PRSS23: variants seen among roughly 807,000 people sequenced by gnomAD.
PRSS23 encodes protease, serine 23.
In PRSS23, 25 loss-of-function variants were observed where a neutral mutation model predicts 34.7. The observed-to-expected ratio is 0.72, with a 90% CI of 0.53 to 1.01. The LOEUF is 1.01. Among genes scored for constraint, PRSS23 ranks in the 50% least tolerant of loss-of-function variants. The pLI, the probability that PRSS23 is intolerant of heterozygous loss-of-function variation, is 0.00. For missense variants in PRSS23, 445 were observed against 475.6 expected, an observed-to-expected ratio of 0.94 and a Z score of 0.60; for synonymous variants, 176 against 186.6, an observed-to-expected ratio of 0.94 and a Z score of 0.46.
chr11:86,929,150 C>G (rs140709916), intron 2 of PRSS23, among the ~76,000 whole-genome samples: 1 of 151,924 alleles, frequency 6.6e-6, no homozygotes, highest in African/African-American at 2.4e-5. Context: ...GGAGAAACCC[C>G]GTCTCTACTA....
chr11:86,812,452 T>A (rs1001215842), downstream of PRSS23, among the ~76,000 whole-genome samples: 1 of 151,814 alleles, frequency 6.6e-6, no homozygotes, highest in Admixed American at 6.6e-5. Flanking sequence ...TAGTCTGGGG[T>A]TCCCCCCGGA....
intron 2 of PRSS23, among the ~76,000 whole-genome samples, chr11:86,828,195 A>G (rs1247338517): frequency 1.3e-5 from 2 of 152,200 alleles, no homozygotes; most frequent in Non-Finnish European, 1.5e-5. Flanking sequence ...GGGTGCATAT[A>G]TATTTAGGAT....
At chr11:86,832,793 A>G (rs1428052211) in intron 2 of PRSS23, 3 of 294,710 alleles carry the variant, frequency 1.0e-5, no homozygotes, top group Non-Finnish European at 2.0e-5. Context: ...GGAGGAAACA[A>G]TTTTATAGTA....
intron 2 of PRSS23, among the ~76,000 whole-genome samples, chr11:86,877,301 G>A (rs1340934148): frequency 6.6e-6 from 1 of 152,164 alleles, no homozygotes; most frequent in African/African-American, 2.4e-5. Flanking sequence ...AAGATTTAGT[G>A]GGGGATTAAA....
intron 2 of PRSS23, among the ~76,000 whole-genome samples, chr11:86,879,814 G>A (rs1948759443): frequency 2.2e-5 from 2 of 91,406 alleles, no homozygotes; most frequent in African/African-American, 4.7e-5. Flanking sequence ...CCGTCCGGGA[G>A]GGAGGTGGGG....
chr11:86,878,108 A>C (rs953650173), intron 2 of PRSS23, among the ~76,000 whole-genome samples: 9 of 151,986 alleles, frequency 5.9e-5, no homozygotes, highest in Non-Finnish European at 1.3e-4. Context: ...ACTATATTTG[A>C]TATTACTGCA....
chr11:86,841,477 CA>C (rs1395402667), intron 2 of PRSS23, among the ~76,000 whole-genome samples: 7 of 151,498 alleles, frequency 4.6e-5, no homozygotes, highest in Non-Finnish European at 1.0e-4. Flanking sequence ...AAAAACACTT[CA>C]AAAAAATCAA....
intron 2 of PRSS23, among the ~76,000 whole-genome samples, chr11:86,897,117 C>G (rs1226617032): frequency 6.6e-6 from 1 of 152,182 alleles, no homozygotes; most frequent in African/African-American, 2.4e-5. Context: ...TGTAGAGAGA[C>G]CTGAATTGAG....
At chr11:86,951,118 A>T in intron 2 of PRSS23, 1 of 1,612,748 alleles carries the variant, frequency 6.2e-7, no homozygotes, top group South Asian at 1.1e-5. Context: ...TTCAAAATGA[A>T]GAAAGCATGG....
chr11:86,839,922 G>C (rs1948435110), intron 2 of PRSS23, among the ~76,000 whole-genome samples: 1 of 151,000 alleles, frequency 6.6e-6, no homozygotes, highest in Non-Finnish European at 1.5e-5. Flanking sequence ...GTCATCACCA[G>C]GCCTGCCTTA....
chr11:86,862,426 A>G (rs1441380301), intron 2 of PRSS23, among the ~76,000 whole-genome samples: 4 of 151,766 alleles, frequency 2.6e-5, no homozygotes, highest in African/African-American at 7.3e-5. Context: ...CAGGCAGTGT[A>G]CACTTAGTGA....
At chr11:86,886,705 G>A (rs903673482) in intron 2 of PRSS23, among the ~76,000 whole-genome samples, 1 of 152,270 alleles carries the variant, frequency 6.6e-6, no homozygotes, top group Middle Eastern at 3.4e-3. Context: ...TTGGGAGGCC[G>A]AGGTGGGCAG....
Position 86,808,027 on chromosome 11 carries a change from G to A in PRSS23, c.384G>A (p.Arg128=), listed in dbSNP as rs1948125532. Residue 128 remains arginine, a synonymous_variant, in exon 2 of 2, where the codon CGG becomes CGA. Transcript: ENST00000280258. ...SGSSGKSRRK[R]QIYGYDSRFS... is the part of the protein sequence containing the mutation. ...CTTCAGGAAAGTCTCGAAGGAAGCG[G>A]CAGATTTATGGCTATGACAGCAGGT... 1.9e-6 allele frequency: 3 copies of A among 1,614,018 alleles called. No individual in the cohort carries two copies. The highest frequency in any genetic ancestry group is 2.5e-6 in the Non-Finnish European group (3 of 1,180,008).
chr11:86,924,905 G>A (rs906318223), intron 2 of PRSS23: 3 of 152,122 alleles, frequency 2.0e-5, no homozygotes, highest in Non-Finnish European at 2.9e-5. Flanking sequence ...GACACTTTTA[G>A]AATCAACATC....
intron 2 of PRSS23, among the ~76,000 whole-genome samples, chr11:86,830,020 GCTGTCAGACAGGGACATTTAAGT>G (rs1948338463): frequency 6.6e-6 from 1 of 152,210 alleles, no homozygotes; most frequent in Admixed American, 6.5e-5. Flanking sequence ...TCTCTTCAAA[GCTGTCAGACAGGGACATTTAAGT>G]CTGCAGAGGT....
intron 2 of PRSS23, among the ~76,000 whole-genome samples, chr11:86,838,234 A>AAAAGAG (rs1948421712): frequency 6.6e-6 from 1 of 152,062 alleles, no homozygotes; most frequent in Non-Finnish European, 1.5e-5. Flanking sequence ...ATCACCACCA[A>AAAAGAG]AAAGAGAAAC....
chr11:86,870,145 C>A (rs764873313), intron 2 of PRSS23, among the ~76,000 whole-genome samples: 1 of 152,146 alleles, frequency 6.6e-6, no homozygotes, highest in African/African-American at 2.4e-5. Context: ...ATGGCTCCAT[C>A]TGACCAGCAG....
At chr11:86,811,569 C>A (rs1212967856), downstream of PRSS23, among the ~76,000 whole-genome samples, 1 of 152,078 alleles carries the variant, frequency 6.6e-6, no homozygotes, top group African/African-American at 2.4e-5. Flanking sequence ...GGGAAAATAG[C>A]CTTAAAGGGG....
At chr11:86,952,758 C>G (rs1211827631) in exon 3 of PRSS23, 1 of 252,514 alleles carries the variant, frequency 4.0e-6, no homozygotes, top group Admixed American at 4.9e-5. Context: ...CCTCTTTGCA[C>G]AACACTTGAA....
Sources: allele counts gnomAD v4.1 joint callset (sites outside exome capture counted in the v4.1 genomes callset), GRCh38; gene constraint gnomAD v4.1.1; transcripts MANE v1.5; gene names NCBI Gene and HGNC (gene_info 2026-07-23, HGNC 2026-07-21).